ZIM3: variants seen among roughly 807,000 people sequenced by gnomAD.
ZIM3 encodes the protein zinc finger imprinted 3, also known as zinc finger protein 657.
Under a neutral mutation model 12.9 loss-of-function variants are expected in ZIM3, and 11 were observed. The observed-to-expected ratio is 0.85, with a 90% CI of 0.54 to 1.41. The LOEUF is 1.41. Among genes scored for constraint, ZIM3 ranks in the 40% most tolerant of loss-of-function variants. The probability of loss-of-function intolerance (pLI) is 0.00; values close to 1 mark genes in which losing one functional copy is unlikely to be tolerated. For missense variants in ZIM3, 604 were observed against 557.2 expected (o/e 1.08, Z -0.85); for synonymous variants, 205 against 198.5 (o/e 1.03, Z -0.28).
chr19:57,136,199 C>G (rs2086886160), intron 4 of ZIM3, 104 bp from the exon 5 acceptor site: 1 of 1,116,510 alleles, frequency 9.0e-7, no homozygotes, highest in African/African-American at 1.6e-5. Context: ...TGGCTTCAAA[C>G]CTAATGTCTA....
rs1347575176 is a variant in ZIM3 at position 57,134,630 on chromosome 19, AT to A, written c.*287del. On this transcript the variant is annotated 3_prime_UTR_variant, in exon 5 of 5. Transcript: ENST00000269834. ...TTTAAAGATATGGATACCACTGGTC[AT>A]TATTCACTGGAATAAAACTCCATCA... is the stretch of plus-strand genomic sequence containing the variant. 2 of 345,116 alleles carry A rather than the reference AT, an allele frequency of 5.8e-6. No individual in the cohort carries two copies. The allele number at this position is 345,116 out of a possible 1,614,324, so 21.4% of individuals were successfully genotyped here.
chr19:57,135,780 A>C lies in ZIM3; in HGVS notation c.557T>G (p.Leu186Arg). Residue 186 changes from leucine (L) to arginine (R), a missense_variant, in exon 5 of 5, where the codon CTG (leucine) becomes CGG (arginine). Coordinates refer to ENST00000269834, the MANE Select transcript of ZIM3 (RefSeq NM_052882.1). ...GGGTTTTTGACAGGCATGCCTCCTC[A>C]GGTGACTTTGAAGGCGTGACTTTGA... ...FSSKSRLQSH[L>R]RRHACQKPFE... The C allele has an allele frequency of 2.5e-6, 4 of 1,614,100 alleles. No individual in the cohort carries two copies.
intron 2 of ZIM3, among the ~76,000 whole-genome samples, chr19:57,141,398 C>CA (rs66633580): frequency 0.013 from 1,388 of 105,290 alleles, 16 homozygotes; most frequent in African/African-American, 0.026. Flanking sequence ...GAGACTGTCT[C>CA]AAAAAAAAAA....
At chr19:57,142,885 A>G (rs2086920113) in intron 1 of ZIM3, among the ~76,000 whole-genome samples, 200 bp from the exon 2 acceptor site, 1 of 151,214 alleles carries the variant, frequency 6.6e-6, no homozygotes, top group Admixed American at 6.6e-5. Flanking sequence ...TTATTTATTG[A>G]GACTGGGTCT....
At position 57,138,616 on chromosome 19, in the gene ZIM3, C is replaced by A. The variant is rs374625711; in HGVS notation, c.16-18G>T. Reference sequence around the variant, plus strand: ...ACTCTTCCCTGTAACAACAGATTCCCGATCAGTATAAAAATGCCATTGAAT... The same window carrying A: ...ACTCTTCCCTGTAACAACAGATTCCAGATCAGTATAAAAATGCCATTGAAT... On this transcript the variant is annotated intron_variant, in intron 2 of 4. Coordinates refer to ENST00000269834, the MANE Select transcript of ZIM3 (RefSeq NM_052882.1). 4 of 1,613,512 alleles carry A rather than the reference C, an allele frequency of 2.5e-6. No homozygotes were observed. In the South Asian group the frequency reaches 4.4e-5, roughly 18 times the overall value.
chr19:57,139,505 C>T (rs916436814), intron 2 of ZIM3, among the ~76,000 whole-genome samples: 11 of 152,010 alleles, frequency 7.2e-5, no homozygotes, highest in African/African-American at 2.4e-4. Flanking sequence ...ACAGGTGGAT[C>T]ACCCGGGGTC....
In ZIM3 at chr19:57,135,634, T is replaced by G; in HGVS notation, c.703A>C (p.Lys235Gln). Reference sequence around the variant, plus strand: ...TTCTGATGTTGAAAGAGATTTGACTTCTGCTTGTAGGCATTTCCACAGTTC... The same window carrying G: ...TTCTGATGTTGAAAGAGATTTGACTGCTGCTTGTAGGCATTTCCACAGTTC... Reference protein sequence around the residue: ...CENCGNAYKQKSNLFQHQKMH... With the variant: ...CENCGNAYKQQSNLFQHQKMH... Residue 235 changes from lysine to glutamine, a missense_variant, in exon 5 of 5, where the codon AAG (lysine) becomes CAG (glutamine). By Grantham distance (53) the Lys-to-Gln change is moderately conservative. Coordinates refer to ENST00000269834, the MANE Select transcript of ZIM3 (RefSeq NM_052882.1). The G allele has an allele frequency of 1.2e-6, 2 of 1,612,030 alleles. No individual in the cohort carries two copies. The highest frequency in any genetic ancestry group is 1.7e-6 in the Non-Finnish European group (2 of 1,178,264).
At chr19:57,142,735 G>T (rs1183729082) in intron 1 of ZIM3, 50 bp from the exon 2 acceptor site, 1 of 1,486,270 alleles carries the variant, frequency 6.7e-7, no homozygotes, top group Non-Finnish European at 9.3e-7. Context: ...CGCTTTGGAA[G>T]TTGGGGATCA....
intron 1 of ZIM3, 51 bp from the exon 2 acceptor site, chr19:57,142,736 T>G (rs59976893): frequency 1.4e-6 from 2 of 1,477,258 alleles, no homozygotes; most frequent in South Asian, 1.2e-5. Flanking sequence ...GCTTTGGAAG[T>G]TGGGGATCAT....
intron 2 of ZIM3, among the ~76,000 whole-genome samples, chr19:57,141,413 A>C (rs868495926): frequency 0.02 from 3,066 of 150,420 alleles, 112 homozygotes; most frequent in African/African-American, 0.071. Flanking sequence ...AAAAAAAAAA[A>C]AAAAAAAACA....
In ZIM3 at chr19:57,142,652, C is replaced by A. The variant is rs781069152; in HGVS notation, c.-9G>T. 1.2e-6 allele frequency: 2 copies of A among 1,613,466 alleles called. No homozygotes were observed. Among genetic ancestry groups the A allele is most frequent in the Non-Finnish European group, 1.7e-6 (2 of 1,179,638 alleles). The stretch of plus-strand genomic sequence containing the variant: ...ACCTGGGAATTGTTCATTTCCTGTT[C>A]TTCACCAGTCAGTAAAGTCTTGGGA... On this transcript the variant is annotated 5_prime_UTR_variant, in exon 2 of 5. Coordinates refer to ENST00000269834, the MANE Select transcript of ZIM3 (RefSeq NM_052882.1).
rs763247874 is a variant in ZIM3 at position 57,135,311 on chromosome 19, C to A, written c.1026G>T (p.Lys342Asn). The stretch of plus-strand genomic sequence containing the variant: ...TGACATTGGATTTCTGGGAAAAGGC[C>A]TTCTCACATATGCTACATTTATAGG... ...EKPYKCSICE[K>N]AFSQKSNVID... Residue 342 changes from lysine to asparagine, a missense_variant, in exon 5 of 5, where the codon AAG becomes AAT. By Grantham distance (94) the Lys-to-Asn change is moderately conservative. Coordinates refer to ENST00000269834, the MANE Select transcript of ZIM3 (RefSeq NM_052882.1). 16 of 1,613,960 alleles carry A rather than the reference C, an allele frequency of 9.9e-6. No individual in the cohort carries two copies. The South Asian group carries it at 1.8e-4, about 18-fold the overall frequency.
At chr19:57,142,331 G>A (rs566633772) in intron 2 of ZIM3, among the ~76,000 whole-genome samples, 9 of 151,766 alleles carry the variant, frequency 5.9e-5, no homozygotes, top group East Asian at 5.9e-4. Context: ...TTGTAGAGAC[G>A]GGATCTCGCC....
intron 3 of ZIM3, 144 bp downstream of exon 3, chr19:57,138,328 C>T: frequency 2.5e-6 from 3 of 1,210,646 alleles, no homozygotes; most frequent in Non-Finnish European, 3.5e-6. Context: ...GTACACTTCA[C>T]TTGCCTCACC....
chr19:57,145,046 C>G lies in ZIM3; in HGVS notation c.-230G>C, dbSNP rs1209499112. 1 of 152,186 alleles carries G rather than the reference C, an allele frequency of 6.6e-6. No individual in the cohort carries two copies. Among genetic ancestry groups the G allele is most frequent in the Non-Finnish European group, 1.5e-5 (1 of 68,044 alleles). The allele number at this position is 152,186 out of a possible 1,614,324, so 9.4% of individuals were successfully genotyped here. On this transcript the variant is annotated 5_prime_UTR_variant, in exon 1 of 5. Transcript: ENST00000269834. ...CAGTCAAGAAACAACCCAAAACACT[C>G]ACTTCCTATCAAAAGCCCCACCTGA...
At chr19:57,136,727 G>A (rs1599921874) in intron 4 of ZIM3, 146 bp downstream of exon 4, 1 of 568,220 alleles carries the variant, frequency 1.8e-6, no homozygotes, top group Non-Finnish European at 3.1e-6. Context: ...AGAATGTAAA[G>A]AAATTTCTGA....
At position 57,135,440 on chromosome 19, in the gene ZIM3, T is replaced by A. The variant is rs751911527; in HGVS notation, c.897A>T (p.Lys299Asn). 1.9e-6 allele frequency: 3 copies of A among 1,614,068 alleles called. No individual in the cohort carries two copies. Among genetic ancestry groups the A allele is most frequent in the South Asian group, 2.2e-5 (2 of 91,086 alleles). ...GAAAGGGTTTTTGTCCAGTGTGAAC[T>A]TTTTTATGTTGAATGAGGGTTGAGT... Reference protein sequence around the residue: ...RQNSTLIQHKKVHTGQKPFQC... With the variant: ...RQNSTLIQHKNVHTGQKPFQC... The change falls in exon 5 of 5, where the codon AAA (lysine) becomes AAT (asparagine). Residue 299 changes from lysine (K) to asparagine (N), a missense_variant. Physicochemically the swap from Lys to Asn is moderately conservative, Grantham distance 94. Coordinates refer to ENST00000269834, the MANE Select transcript of ZIM3 (RefSeq NM_052882.1).
chr19:57,140,320 G>A (rs2086908258), intron 2 of ZIM3, among the ~76,000 whole-genome samples: 1 of 151,890 alleles, frequency 6.6e-6, no homozygotes, highest in Non-Finnish European at 1.5e-5. Context: ...GGGATTACAG[G>A]CGCGCACCAC....
At position 57,142,657 on chromosome 19, in the gene ZIM3, C is replaced by G. The variant is rs559200473; in HGVS notation, c.-14G>C. ...GGAATTGTTCATTTCCTGTTCTTCA[C>G]CAGTCAGTAAAGTCTTGGGAAGGCA... On this transcript the variant is annotated 5_prime_UTR_variant, in exon 2 of 5. Coordinates refer to ENST00000269834, the MANE Select transcript of ZIM3 (RefSeq NM_052882.1). The G allele has an allele frequency of 6.2e-7, 1 of 1,613,200 alleles. No homozygotes were observed. Among genetic ancestry groups the G allele is most frequent in the East Asian group, 2.2e-5 (1 of 44,838 alleles).
Sources: gnomAD v4.1 joint callset for allele counts (sites outside exome capture counted in the v4.1 genomes callset) on GRCh38, gnomAD v4.1.1 for gene constraint, MANE v1.5 for transcripts, NCBI Gene and HGNC (gene_info 2026-07-23, HGNC 2026-07-21) for gene names.